The following MME variants were observed in gnomAD, a reference collection of about 807,000 sequenced individuals.
MME encodes the protein membrane metalloendopeptidase, also known as neprilysin.
Under a neutral mutation model 113.2 loss-of-function variants are expected in MME, and 98 were observed. The observed-to-expected ratio is 0.87, with a 90% confidence interval of 0.74 to 1.02. The LOEUF (loss-of-function observed/expected upper bound fraction) is 1.02, where lower values mean the gene tolerates loss of function less well. Ranked by LOEUF, MME falls within the 50% of genes least tolerant of loss-of-function variation. The pLI is 0.00. For missense variants in MME, 836 were observed against 896.0 expected (o/e 0.93, Z 0.86); for synonymous variants, 292 against 300.6 (o/e 0.97, Z 0.30).
intron 9 of MME, among the ~76,000 whole-genome samples, chr3:155,139,838 T>G (rs1284394715): frequency 6.6e-6 from 1 of 152,152 alleles, no homozygotes; most frequent in African/African-American, 2.4e-5. Context: ...AAATTGGAGA[T>G]GACTATATCA....
At chr3:155,030,898 A>G (rs1712948757) in intron 1 of MME, among the ~76,000 whole-genome samples, 1 of 152,240 alleles carries the variant, frequency 6.6e-6, no homozygotes, top group African/African-American at 2.4e-5. Flanking sequence ...AGGAAAAAAA[A>G]TCAATAATAA....
chr3:155,082,939 G>A (rs575404728), intron 1 of MME, among the ~76,000 whole-genome samples: 3 of 152,204 alleles, frequency 2.0e-5, no homozygotes, highest in South Asian at 2.1e-4. Context: ...TTTCTGAGCC[G>A]CCACTTCATC....
intron 3 of MME, among the ~76,000 whole-genome samples, chr3:155,088,540 G>A (rs898084535): frequency 3.3e-5 from 5 of 151,946 alleles, no homozygotes; most frequent in Non-Finnish European, 5.9e-5. Flanking sequence ...AAAATTAGCC[G>A]GGTGTGGTGG....
At chr3:155,153,984 C>T (rs536214923) in intron 16 of MME, among the ~76,000 whole-genome samples, 1 of 152,256 alleles carries the variant, frequency 6.6e-6, no homozygotes, top group South Asian at 2.1e-4. Flanking sequence ...GCTAGAACAG[C>T]ACTTTTTTCA....
chr3:155,100,913 G>T (rs927961260), intron 3 of MME, among the ~76,000 whole-genome samples: 1 of 152,172 alleles, frequency 6.6e-6, no homozygotes, highest in African/African-American at 2.4e-5. Context: ...ATGTAGCTTG[G>T]ATATTTGTCC....
intron 1 of MME, among the ~76,000 whole-genome samples, chr3:155,058,602 G>A (rs1329837832): frequency 6.6e-6 from 1 of 151,560 alleles, no homozygotes; most frequent in Admixed American, 6.6e-5. Context: ...AAAAGCCTAA[G>A]GAAAAAATAT....
chr3:155,101,965 A>T (rs1194028111), intron 3 of MME, among the ~76,000 whole-genome samples: 1 of 152,208 alleles, frequency 6.6e-6, no homozygotes, highest in African/African-American at 2.4e-5. Context: ...CAGACAGCGA[A>T]GGATCCTGCT....
chr3:155,073,238 G>A (rs997195486), intron 1 of MME, among the ~76,000 whole-genome samples: 3 of 152,110 alleles, frequency 2.0e-5, no homozygotes, highest in African/African-American at 4.8e-5. Context: ...GCCCATTTCC[G>A]AGCCTACAAG....
chr3:155,078,271 G>T (rs374167837), upstream of MME, among the ~76,000 whole-genome samples: 4 of 152,106 alleles, frequency 2.6e-5, no homozygotes, highest in South Asian at 2.1e-4. Flanking sequence ...GTCAAGCCCC[G>T]CATGCTTATT....
intron 20 of MME, among the ~76,000 whole-genome samples, chr3:155,171,811 A>G (rs1190057038): frequency 1.3e-5 from 2 of 152,286 alleles, no homozygotes; most frequent in South Asian, 2.1e-4. Context: ...ATAAAACAAC[A>G]TTTAGATAAG....
intron 3 of MME, among the ~76,000 whole-genome samples, chr3:155,114,763 A>G (rs1718457880): frequency 6.6e-6 from 1 of 152,188 alleles, no homozygotes; most frequent in South Asian, 2.1e-4. Context: ...TGTGGGACCC[A>G]GGGTGGAAGG....
At chr3:155,154,599 A>G (rs77668118) in intron 16 of MME, among the ~76,000 whole-genome samples, 3,169 of 152,250 alleles carry the variant, frequency 0.021, 64 homozygotes, top group East Asian at 0.11. Context: ...GACCCAAGAG[A>G]AAAAAACACA....
chr3:155,180,262 C>T, intron 22 of MME, 98 bp from the exon 23 acceptor site: 1 of 877,154 alleles, frequency 1.1e-6, no homozygotes, highest in East Asian at 2.4e-5. Flanking sequence ...ATTCCAAATT[C>T]ATTCACTTGA....
intron 9 of MME, among the ~76,000 whole-genome samples, chr3:155,139,811 G>C (rs1446920713): frequency 6.6e-6 from 1 of 152,156 alleles, no homozygotes; most frequent in Non-Finnish European, 1.5e-5. Flanking sequence ...AGATGGGAGA[G>C]AGAGTATTTA....
intron 8 of MME, among the ~76,000 whole-genome samples, chr3:155,137,080 AG>A (rs1230599350): frequency 3.8e-4 from 58 of 152,234 alleles, no homozygotes; most frequent in African/African-American, 1.4e-3. Context: ...ATTCTGTAAA[AG>A]GTTAGTAATA....
At chr3:155,048,254 C>T (rs1385043107) in intron 1 of MME, among the ~76,000 whole-genome samples, 1 of 152,160 alleles carries the variant, frequency 6.6e-6, no homozygotes, top group African/African-American at 2.4e-5. Context: ...GTAAAGTCCC[C>T]TTTTCCTGGT....
At chr3:155,116,591 T>G in intron 5 of MME, 32 bp downstream of exon 5, 1 of 487,088 alleles carries the variant, frequency 2.1e-6, no homozygotes. Context: ...TCATTAGGAG[T>G]ATATATATAT....
upstream of MME, chr3:155,079,671 C>T: frequency 6.8e-6 from 1 of 147,348 alleles, no homozygotes; most frequent in Non-Finnish European, 1.5e-5. Flanking sequence ...GCGCGGGGCG[C>T]GGAGATGTGC....
chr3:155,059,283 G>T (rs1377820967), intron 1 of MME, among the ~76,000 whole-genome samples: 7 of 139,970 alleles, frequency 5.0e-5, no homozygotes, highest in Middle Eastern at 3.7e-3. Context: ...AAAAAAAAAG[G>T]AAGGATCACT....
Sources: gnomAD v4.1 joint callset for allele counts (sites outside exome capture counted in the v4.1 genomes callset) on GRCh38, gnomAD v4.1.1 for gene constraint, MANE v1.5 for transcripts, NCBI Gene and HGNC (gene_info 2026-07-23, HGNC 2026-07-21) for gene names.